Variants in AFF3 observed in about 807,000 individuals in gnomAD.
The protein encoded by AFF3 is ALF transcription elongation factor 3, also known as AF4/FMR2 family member 3.
Under a neutral mutation model 129.7 loss-of-function variants are expected in AFF3, and 32 were observed. The ratio of observed to expected loss-of-function variants is 0.25; its 90% CI spans 0.19 to 0.33. AFF3 has a LOEUF of 0.33. Ranked by LOEUF, AFF3 falls within the 10% of genes least tolerant of loss-of-function variation. The pLI, the probability that AFF3 is intolerant of heterozygous loss-of-function variation, is 1.00. For missense variants in AFF3, 1,373 were observed against 1,592.0 expected, an observed-to-expected ratio of 0.86 and a Z score of 2.34; for synonymous variants, 644 against 635.4, an observed-to-expected ratio of 1.01 and a Z score of -0.20.
intron 8 of AFF3, among the ~76,000 whole-genome samples, chr2:99,809,180 A>G (rs1351389080): frequency 6.6e-6 from 1 of 152,244 alleles, no homozygotes; most frequent in Non-Finnish European, 1.5e-5. Flanking sequence ...AGTTTCTGGA[A>G]GGCAGAAAGC....
chr2:99,911,243 C>G (rs2106197377), intron 7 of AFF3, among the ~76,000 whole-genome samples: 1 of 152,192 alleles, frequency 6.6e-6, no homozygotes, highest in Admixed American at 6.5e-5. Flanking sequence ...GCATGATTAG[C>G]CGGGCATGGT....
intron 2 of AFF3, among the ~76,000 whole-genome samples, chr2:100,122,918 C>T (rs1692037613): frequency 6.6e-6 from 1 of 152,174 alleles, no homozygotes; most frequent in South Asian, 2.1e-4. Context: ...TCTATTACCA[C>T]CTCCCAGGAA....
chr2:99,957,895 GC>G (rs1676817383), intron 7 of AFF3, among the ~76,000 whole-genome samples: 1 of 152,146 alleles, frequency 6.6e-6, no homozygotes, highest in Non-Finnish European at 1.5e-5. Flanking sequence ...AGTCACTGGG[GC>G]TGAGGTCAGT....
intron 7 of AFF3, among the ~76,000 whole-genome samples, chr2:99,934,664 G>T (rs1674358945): frequency 6.6e-6 from 1 of 152,168 alleles, no homozygotes; most frequent in African/African-American, 2.4e-5. Context: ...GAAGAACCCT[G>T]CCCCCTCAGA....
At chr2:99,820,915 C>A (rs1687626038) in intron 8 of AFF3, among the ~76,000 whole-genome samples, 1 of 146,346 alleles carries the variant, frequency 6.8e-6, no homozygotes, top group Non-Finnish European at 1.5e-5. Context: ...CTCCGTCCCC[C>A]AGACTGGAGT....
intron 7 of AFF3, among the ~76,000 whole-genome samples, chr2:99,965,652 C>T (rs372465379): frequency 4.6e-5 from 7 of 152,278 alleles, no homozygotes; most frequent in Non-Finnish European, 7.3e-5. Context: ...TCTGGTTTCA[C>T]ATGTTTGTCG....
intron 4 of AFF3, among the ~76,000 whole-genome samples, chr2:100,073,416 C>T (rs371100476): frequency 1.5e-4 from 23 of 152,298 alleles, no homozygotes; most frequent in South Asian, 1.2e-3. Flanking sequence ...AGGGATTCTC[C>T]CTCACCACCC....
intron 4 of AFF3, among the ~76,000 whole-genome samples, chr2:100,075,173 G>A (rs1444484135): frequency 1.3e-5 from 2 of 152,110 alleles, no homozygotes; most frequent in East Asian, 3.9e-4. Flanking sequence ...CATTTACGGG[G>A]ACCATGGGCA....
In AFF3 at chr2:99,865,524, T is replaced by C. The variant is rs115235247; in HGVS notation, c.874-28000A>G. Among the ~76,000 whole-genome samples the C allele has an allele frequency of 5.8e-3, 878 of 152,146 alleles. 1 individual carries two copies. The highest frequency in any genetic ancestry group is 0.02 in the African/African-American group (849 of 41,514). ...AGCTGGATGGACCAACCCAGCAAAA[T>C]GAAATGTAATAGAGATAAATGGGTA... is the stretch of plus-strand genomic sequence containing the variant. On this transcript the variant is annotated intron_variant, in intron 7 of 24. Coordinates refer to ENST00000672756, the MANE Select transcript of AFF3 (RefSeq NM_001386135.1).
intron 8 of AFF3, among the ~76,000 whole-genome samples, chr2:99,835,820 G>A (rs946692048): frequency 1.3e-5 from 2 of 152,116 alleles, no homozygotes; most frequent in African/African-American, 4.8e-5. Flanking sequence ...GTGGGTCCAC[G>A]TTCTCTCTTT....
intron 4 of AFF3, among the ~76,000 whole-genome samples, chr2:100,062,096 T>G (rs1197030575): frequency 5.3e-5 from 8 of 152,218 alleles, no homozygotes; most frequent in Admixed American, 5.2e-4. Flanking sequence ...GATGGGGATG[T>G]CGACCAAGGT....
chr2:99,904,082 G>C (rs976147738), intron 7 of AFF3, among the ~76,000 whole-genome samples: 1 of 152,006 alleles, frequency 6.6e-6, no homozygotes. Context: ...GGGCTCATGA[G>C]TATGAAACTG....
intron 7 of AFF3, among the ~76,000 whole-genome samples, chr2:99,917,647 A>G (rs962621258): frequency 6.6e-6 from 1 of 152,206 alleles, no homozygotes; most frequent in Admixed American, 6.5e-5. Flanking sequence ...ATTACTGAAC[A>G]GGCTGCCAGA....
chr2:99,635,002 CAT>C lies in AFF3; in HGVS notation c.1184+14622_1184+14623del, dbSNP rs1553411946. On this transcript the variant is annotated intron_variant, in intron 13 of 24. Coordinates refer to ENST00000672756, the MANE Select transcript of AFF3 (RefSeq NM_001386135.1). ...ACACACACACACACACACACACACA[CAT>C]ATGGTTGCTGTATATCATGTATATG... Among the ~76,000 whole-genome samples, 241 of 149,718 alleles carry C rather than the reference CAT, an allele frequency of 1.6e-3. 1 individual carries two copies. Among genetic ancestry groups the C allele is most frequent in the African/African-American group, 5.9e-3 (235 of 39,892 alleles).
chr2:99,823,804 A>G (rs1334009193), intron 8 of AFF3, among the ~76,000 whole-genome samples: 1 of 152,196 alleles, frequency 6.6e-6, no homozygotes, highest in East Asian at 1.9e-4. Context: ...CCTTGCGGCA[A>G]CGTGGATGGA....
chr2:99,863,989 C>T (rs888507709), intron 7 of AFF3, among the ~76,000 whole-genome samples: 1 of 152,194 alleles, frequency 6.6e-6, no homozygotes, highest in Non-Finnish European at 1.5e-5. Flanking sequence ...TACTTGGTGC[C>T]TCCATTCCAC....
In AFF3 at chr2:99,584,189, C is replaced by T. The variant is rs567956434; in HGVS notation, c.2592-1190G>A. ...AATATAAAAACGGTGAGTAGGAGGC[C>T]GGGTGTGGTGGCTCACGCCTGTAAT... is the stretch of plus-strand genomic sequence containing the variant. On this transcript the variant is annotated intron_variant, in intron 16 of 24. Transcript: ENST00000672756. Among the ~76,000 whole-genome samples, 304 of 150,494 alleles carry T rather than the reference C, an allele frequency of 2.0e-3. 1 individual carries two copies. The highest frequency in any genetic ancestry group is 5.5e-3 in the African/African-American group (228 of 41,124).
intron 16 of AFF3, among the ~76,000 whole-genome samples, chr2:99,586,817 T>C (rs1024670639): frequency 6.6e-6 from 1 of 152,172 alleles, no homozygotes; most frequent in African/African-American, 2.4e-5. Context: ...ATAAGCTTAG[T>C]GTTCTTAGGA....
chr2:99,570,873 G>A (rs1016070708), intron 18 of AFF3, among the ~76,000 whole-genome samples: 1 of 152,210 alleles, frequency 6.6e-6, no homozygotes, highest in Non-Finnish European at 1.5e-5. Context: ...GTGCCTTCTA[G>A]GAGCCGAATG....
Sources: gnomAD v4.1 joint callset for allele counts (sites outside exome capture counted in the v4.1 genomes callset) on GRCh38, gnomAD v4.1.1 for gene constraint, MANE v1.5 for transcripts, NCBI Gene and HGNC (gene_info 2026-07-23, HGNC 2026-07-21) for gene names.